Variants in THSD7B observed in about 807,000 individuals in gnomAD.
THSD7B encodes thrombospondin type 1 domain containing 7B.
A neutral mutation model predicts 213.6 loss-of-function variants in THSD7B; 138 were observed. That is an observed-to-expected ratio of 0.65 (90% CI 0.56 to 0.74). The LOEUF (loss-of-function observed/expected upper bound fraction) is 0.74. THSD7B is among the 30% of genes least tolerant of loss of function. The pLI, the probability that THSD7B is intolerant of heterozygous loss-of-function variation, is 0.00. For missense variants in THSD7B, 1,931 were observed against 1,991.5 expected, an observed-to-expected ratio of 0.97 and a Z score of 0.58; for synonymous variants, 742 against 687.0, an observed-to-expected ratio of 1.08 and a Z score of -1.25.
At chr2:137,585,932 G>A (rs1681714712) in intron 17 of THSD7B, among the ~76,000 whole-genome samples, 1 of 152,128 alleles carries the variant, frequency 6.6e-6, no homozygotes, top group Non-Finnish European at 1.5e-5. Flanking sequence ...TGTTGACAGT[G>A]GGATGTTAAA....
chr2:137,037,068 G>A (rs1686790749), intron 2 of THSD7B, among the ~76,000 whole-genome samples: 1 of 152,064 alleles, frequency 6.6e-6, no homozygotes, highest in African/African-American at 2.4e-5. Flanking sequence ...GGTTAGCATA[G>A]CTACTCCATA....
chr2:137,066,716 G>A (rs1304015196), intron 3 of THSD7B, among the ~76,000 whole-genome samples: 1 of 151,954 alleles, frequency 6.6e-6, no homozygotes, highest in East Asian at 1.9e-4. Flanking sequence ...TGAGCTACTG[G>A]GATCTATGAT....
chr2:136,845,580 A>G (rs1020358804), intron 1 of THSD7B, among the ~76,000 whole-genome samples: 5 of 152,186 alleles, frequency 3.3e-5, no homozygotes, highest in African/African-American at 4.8e-5. Flanking sequence ...AGGCAGGTAC[A>G]AGTCATTGTT....
intron 15 of THSD7B, among the ~76,000 whole-genome samples, chr2:137,513,115 T>C (rs1230986410): frequency 6.6e-6 from 1 of 152,228 alleles, no homozygotes; most frequent in Admixed American, 6.5e-5. Context: ...ATAACTCAGG[T>C]TCTCTAAGCC....
At chr2:137,264,621 C>CT (rs760102052) in intron 10 of THSD7B, among the ~76,000 whole-genome samples, 10 of 151,950 alleles carry the variant, frequency 6.6e-5, no homozygotes, top group Non-Finnish European at 1.5e-4. Flanking sequence ...ATTAATGCTC[C>CT]TTTTTGAATA....
chr2:137,398,477 A>G (rs1193384047), intron 12 of THSD7B, among the ~76,000 whole-genome samples: 27 of 151,484 alleles, frequency 1.8e-4, no homozygotes, highest in African/African-American at 2.9e-4. Context: ...AGGCTGCTCG[A>G]GGGTCAGGGG....
intron 15 of THSD7B, among the ~76,000 whole-genome samples, chr2:137,555,044 G>A (rs1052726362): frequency 1.3e-5 from 2 of 152,186 alleles, no homozygotes; most frequent in African/African-American, 4.8e-5. Flanking sequence ...AAAGCTACTG[G>A]GAAGCTCAAA....
rs150180188 is a variant in THSD7B, at chr2:137,113,833, G to A, written c.1200-1291G>A. ...CCTGAGTGACTAATTCATAAGCCTA[G>A]GGAAAAAAAAAGTGAAAATTAAGTA... On this transcript the variant is annotated intron_variant, in intron 4 of 27. Transcript: ENST00000409968. Among the ~76,000 whole-genome samples, 81 of 151,922 alleles carry A rather than the reference G, an allele frequency of 5.3e-4. 1 individual carries two copies. The East Asian group carries it at 0.013, about 25-fold the overall frequency.
intron 1 of THSD7B, among the ~76,000 whole-genome samples, chr2:136,856,873 T>G (rs1683188197): frequency 6.6e-6 from 1 of 152,184 alleles, no homozygotes; most frequent in Non-Finnish European, 1.5e-5. Flanking sequence ...CCTTGAATCT[T>G]CAGTTTAGTA....
At chr2:137,014,348 A>G (rs978727899) in intron 2 of THSD7B, among the ~76,000 whole-genome samples, 1 of 152,118 alleles carries the variant, frequency 6.6e-6, no homozygotes, top group African/African-American at 2.4e-5. Flanking sequence ...TGCATAATAA[A>G]TGTATTGTGA....
chr2:137,575,149 T>C (rs965614243), intron 17 of THSD7B, among the ~76,000 whole-genome samples: 1 of 152,066 alleles, frequency 6.6e-6, no homozygotes, highest in Non-Finnish European at 1.5e-5. Flanking sequence ...TACAGGTTTC[T>C]TACTGGGAAG....
At chr2:137,515,109 C>A (rs1366402927) in intron 15 of THSD7B, among the ~76,000 whole-genome samples, 1 of 152,092 alleles carries the variant, frequency 6.6e-6, no homozygotes, top group African/African-American at 2.4e-5. Context: ...CACAGCCTCA[C>A]CAGGTGTCTA....
intron 2 of THSD7B, among the ~76,000 whole-genome samples, chr2:137,011,987 C>G (rs146235334): frequency 6.6e-6 from 1 of 152,052 alleles, no homozygotes; most frequent in Non-Finnish European, 1.5e-5. Flanking sequence ...ATAAAAAATA[C>G]GTGGAATAAG....
chr2:137,537,285 C>T (rs548233672), intron 15 of THSD7B, among the ~76,000 whole-genome samples: 29 of 151,746 alleles, frequency 1.9e-4, no homozygotes, highest in African/African-American at 6.0e-4. Flanking sequence ...CATATGAAGC[C>T]GACTTTTCCC....
At chr2:136,926,747 A>C (rs1292017661) in intron 2 of THSD7B, among the ~76,000 whole-genome samples, 1 of 152,006 alleles carries the variant, frequency 6.6e-6, no homozygotes, top group East Asian at 1.9e-4. Flanking sequence ...AGCAGTTCTG[A>C]GAACCTCTTT....
rs192649936 is a variant in THSD7B at position 136,948,701 on chromosome 2, T to C, written c.139+66384T>C. On this transcript the variant is annotated intron_variant, in intron 2 of 27. Coordinates refer to ENST00000409968, the MANE Select transcript of THSD7B (RefSeq NM_001316349.2). ...GCATTTGAAAAATAGCTAAAATTAA[T>C]TGAGCACTTACTCTATGTCATGCAC... is the stretch of plus-strand genomic sequence containing the variant. Among the ~76,000 whole-genome samples the C allele has an allele frequency of 3.2e-3, 483 of 152,316 alleles. 2 individuals carry two copies. The highest frequency in any genetic ancestry group is 0.011 in the African/African-American group (461 of 41,570).
intron 15 of THSD7B, among the ~76,000 whole-genome samples, chr2:137,556,725 TC>T (rs1680978141): frequency 6.6e-6 from 1 of 151,912 alleles, no homozygotes; most frequent in Admixed American, 6.6e-5. Context: ...GGCTAAATGC[TC>T]CAATTAAAAG....
chr2:137,038,299 A>T (rs529100510), intron 2 of THSD7B, among the ~76,000 whole-genome samples: 247 of 152,290 alleles, frequency 1.6e-3, no homozygotes, highest in African/African-American at 5.7e-3. Context: ...TCTTCATTCA[A>T]AATCACCACA....
At chr2:137,205,803 C>T (rs879549177) in intron 7 of THSD7B, among the ~76,000 whole-genome samples, 2 of 152,006 alleles carry the variant, frequency 1.3e-5, no homozygotes, top group Non-Finnish European at 2.9e-5. Context: ...AGAAGTGATT[C>T]TACAACAGCT....
Sources: gnomAD v4.1 joint callset for allele counts (sites outside exome capture counted in the v4.1 genomes callset) on GRCh38, gnomAD v4.1.1 for gene constraint, MANE v1.5 for transcripts, NCBI Gene and HGNC (gene_info 2026-07-23, HGNC 2026-07-21) for gene names.